The following NPHP1 variants were observed in gnomAD, a reference collection of about 807,000 sequenced individuals.
The protein encoded by NPHP1 is nephrocystin-1.
In NPHP1, 70 loss-of-function variants were observed where a neutral mutation model predicts 90.4. The ratio of observed to expected loss-of-function variants is 0.77; its 90% CI spans 0.64 to 0.95. NPHP1 has a LOEUF of 0.95. Among genes scored for constraint, NPHP1 ranks in the 40% least tolerant of loss-of-function variants. The pLI, the probability that NPHP1 is intolerant of heterozygous loss-of-function variation, is 0.00. For missense variants in NPHP1, 764 were observed against 795.9 expected (o/e 0.96, Z 0.48); for synonymous variants, 256 against 271.7 (o/e 0.94, Z 0.57).
At chr2:110,134,108 C>T (rs931815813) in intron 16 of NPHP1, among the ~76,000 whole-genome samples, 4 of 151,916 alleles carry the variant, frequency 2.6e-5, no homozygotes, top group African/African-American at 9.7e-5. Context: ...AATTGACAAA[C>T]CTTTAGTGAG....
intron 16 of NPHP1, among the ~76,000 whole-genome samples, chr2:110,135,476 CAA>C (rs66696927): frequency 1.7e-3 from 26 of 15,116 alleles, no homozygotes; most frequent in African/African-American, 4.7e-3. Context: ...GACCCCGTCT[CAA>C]AAAAAAAAAA....
chr2:110,148,152 C>T (rs948508225), intron 12 of NPHP1, 126 bp from the exon 13 acceptor site: 3 of 730,334 alleles, frequency 4.1e-6, no homozygotes, highest in African/African-American at 1.7e-5. Flanking sequence ...GAAGGTGAGG[C>T]CTGGTGGGAG....
chr2:110,138,848 A>G (rs907932186), intron 16 of NPHP1, among the ~76,000 whole-genome samples: 17 of 151,978 alleles, frequency 1.1e-4, no homozygotes, highest in Non-Finnish European at 2.4e-4. Flanking sequence ...CCTGGCAGGC[A>G]TTGGTCCACC....
chr2:110,165,260 TTTTCTG>T, intron 6 of NPHP1, 105 bp from the exon 7 acceptor site: 1 of 904,170 alleles, frequency 1.1e-6, no homozygotes, highest in Non-Finnish European at 1.8e-6. Flanking sequence ...AAAAACAAGC[TTTTCTG>T]TTTAAAAACA....
chr2:110,198,722 T>C (rs919104159), intron 2 of NPHP1, among the ~76,000 whole-genome samples: 4 of 152,100 alleles, frequency 2.6e-5, no homozygotes, highest in African/African-American at 9.7e-5. Flanking sequence ...TAAAAGCTAC[T>C]TCCGAGCCTC....
chr2:110,167,277 T>C (rs1217352353), intron 6 of NPHP1, among the ~76,000 whole-genome samples: 1 of 152,016 alleles, frequency 6.6e-6, no homozygotes, highest in Non-Finnish European at 1.5e-5. Context: ...GGTGGGCACC[T>C]AAACAGCTTC....
chr2:110,138,948 CT>C (rs991247649), intron 16 of NPHP1, among the ~76,000 whole-genome samples: 2 of 152,052 alleles, frequency 1.3e-5, no homozygotes, highest in Admixed American at 1.3e-4. Context: ...GAGAAAGCAT[CT>C]GATTTTCCCA....
chr2:110,125,875 T>C, intron 18 of NPHP1, 194 bp from the exon 19 acceptor site: 3 of 612,322 alleles, frequency 4.9e-6, no homozygotes, highest in Non-Finnish European at 8.7e-6. Flanking sequence ...GGCAGATGTA[T>C]CTGTGAAAAA....
intron 7 of NPHP1, 143 bp from the exon 8 acceptor site, chr2:110,164,873 G>T: frequency 3.3e-6 from 3 of 917,796 alleles, no homozygotes; most frequent in South Asian, 1.4e-5. Context: ...AGAGCTAAAT[G>T]TATTAAAAAT....
At chr2:110,181,582 AAACAAC>A (rs201825314) in intron 2 of NPHP1, among the ~76,000 whole-genome samples, 1 of 152,170 alleles carries the variant, frequency 6.6e-6, no homozygotes, top group Non-Finnish European at 1.5e-5. Flanking sequence ...AACAAACAGA[AAACAAC>A]AACAACAACA....
intron 17 of NPHP1, among the ~76,000 whole-genome samples, chr2:110,130,158 G>A (rs754165773): frequency 3.3e-5 from 5 of 152,084 alleles, no homozygotes; most frequent in African/African-American, 4.8e-5. Context: ...TGGCCTAATC[G>A]CCACTCAAAG....
chr2:110,168,419 T>G, intron 6 of NPHP1, 33 bp downstream of exon 6: 4 of 1,320,290 alleles, frequency 3.0e-6, no homozygotes, highest in Admixed American at 3.7e-5. Context: ...AAAAAAAAAG[T>G]CTTAGAAAAG....
At chr2:110,176,136 G>C (rs933364467) in intron 4 of NPHP1, among the ~76,000 whole-genome samples, 1 of 151,772 alleles carries the variant, frequency 6.6e-6, no homozygotes, top group Non-Finnish European at 1.5e-5. Flanking sequence ...ATTAAAAATT[G>C]TTGTTTTATG....
chr2:110,125,126 T>C (rs909128153), intron 19 of NPHP1: 1 of 1,439,068 alleles, frequency 6.9e-7, no homozygotes. Context: ...CCAAGAAGAT[T>C]TTCCATCTAT....
chr2:110,204,773 C>G (rs1272086313), intron 1 of NPHP1, 127 bp downstream of exon 1: 1 of 917,148 alleles, frequency 1.1e-6, no homozygotes, highest in African/African-American at 1.6e-5. Flanking sequence ...GGCGTTACAA[C>G]CTGGGAAGGT....
chr2:110,179,636 T>C lies in NPHP1; in HGVS notation c.192A>G (p.Gln64=), dbSNP rs772522565. Residue 64 remains glutamine, a synonymous_variant, in exon 3 of 20, where the codon CAA becomes CAG. Transcript: ENST00000445609. ...QAIDENKNAL[Q]KLSKADESAP... ...CCTCAATACTTACTTTGCTTAATTT[T>C]TGAAGAGCATTTTTATTTTCATCTA... 13 of 1,359,918 alleles carry C rather than the reference T, an allele frequency of 9.6e-6. No individual in the cohort carries two copies. Among genetic ancestry groups the C allele is most frequent in the Non-Finnish European group, 1.3e-5 (12 of 953,678 alleles). 84.2% of individuals were successfully genotyped at this position (1,359,918 alleles called of 1,614,324 possible).
At chr2:110,125,466 T>A (rs1166030671) in intron 19 of NPHP1, 171 bp downstream of exon 19, 1 of 1,109,014 alleles carries the variant, frequency 9.0e-7, no homozygotes, top group Non-Finnish European at 1.3e-6. Context: ...TAGCTAACGA[T>A]CATGCGTAAC....
At chr2:110,168,360 C>T (rs1574136520) in intron 6 of NPHP1, 92 bp downstream of exon 6, 1 of 820,148 alleles carries the variant, frequency 1.2e-6, no homozygotes, top group East Asian at 2.4e-5. Context: ...AAGTCATTCA[C>T]TAGTCAACTG....
At chr2:110,128,914 T>A in intron 18 of NPHP1, 1 of 482,974 alleles carries the variant, frequency 2.1e-6, no homozygotes, top group East Asian at 3.6e-5. Context: ...TAGGACACAA[T>A]CAGTGGCCAT....
Sources: gnomAD v4.1 joint callset for allele counts (sites outside exome capture counted in the v4.1 genomes callset) on GRCh38, gnomAD v4.1.1 for gene constraint, MANE v1.5 for transcripts, NCBI Gene and HGNC (gene_info 2026-07-23, HGNC 2026-07-21) for gene names.